Variants in FRMPD3 observed in about 807,000 individuals in gnomAD.
The protein encoded by FRMPD3 is FERM and PDZ domain containing 3, also known as FERM and PDZ domain-containing protein 3.
A neutral mutation model predicts 97.9 loss-of-function variants in FRMPD3; 42 were observed. The ratio of observed to expected loss-of-function variants is 0.43; its 90% CI spans 0.34 to 0.55. The LOEUF is 0.55. FRMPD3 is among the 20% of genes least tolerant of loss of function. The probability of loss-of-function intolerance (pLI) is 0.03; values close to 1 mark genes in which losing one functional copy is unlikely to be tolerated. For missense variants in FRMPD3, 1,303 were observed against 1,457.7 expected (o/e 0.89, Z 1.73); for synonymous variants, 577 against 581.1 (o/e 0.99, Z 0.10).
chrX:107,593,062 T>A (rs1055836282), intron 13 of FRMPD3, among the ~76,000 whole-genome samples: 1 of 111,846 alleles, frequency 8.9e-6, no homozygotes, highest in African/African-American at 3.2e-5. Context: ...AGGCATGTGC[T>A]ATCGCGCCCA....
intron 1 of FRMPD3, among the ~76,000 whole-genome samples, chrX:107,484,727 G>A (rs907315201): frequency 1.2e-4 from 14 of 112,121 alleles, no homozygotes; most frequent in African/African-American, 3.9e-4. Flanking sequence ...TCCATGGATC[G>A]CCAAAAATAG....
intron 13 of FRMPD3, among the ~76,000 whole-genome samples, chrX:107,585,510 T>A (rs7065327): frequency 0.029 from 3,201 of 111,683 alleles, 99 homozygotes; most frequent in African/African-American, 0.098. Flanking sequence ...GGCATCCTTG[T>A]CTCGTACTGG....
intron 3 of FRMPD3, among the ~76,000 whole-genome samples, chrX:107,530,916 G>GA (rs776535982): frequency 1.8e-5 from 2 of 109,982 alleles, no homozygotes; most frequent in African/African-American, 6.6e-5. Context: ...CCCAACTCCA[G>GA]AAAAAACTCA....
At chrX:107,488,826 TTTTTAA>T (rs1185776803) in intron 1 of FRMPD3, among the ~76,000 whole-genome samples, 1 of 111,527 alleles carries the variant, frequency 9.0e-6, no homozygotes, top group Non-Finnish European at 1.9e-5. Flanking sequence ...GAACTTCTTT[TTTTTAA>T]TTTTATTTTA....
intron 12 of FRMPD3, among the ~76,000 whole-genome samples, chrX:107,568,016 CTTA>C (rs2147605971): frequency 9.0e-6 from 1 of 110,845 alleles, no homozygotes; most frequent in Non-Finnish European, 1.9e-5. Context: ...ATGCACGTGT[CTTA>C]TTATACCTAG....
At position 107,560,641 on chromosome X, in the gene FRMPD3, C is replaced by G. The variant is rs767876246; in HGVS notation, c.900-86C>G. On this transcript the variant is annotated intron_variant, in intron 9 of 14. Transcript: ENST00000683843. Reference sequence around the variant, plus strand: ...TCTCTATTCCTCCATCTCTACCTCTCAGATTCAGTCAATTTCTGTCTTACC... The same window carrying G: ...TCTCTATTCCTCCATCTCTACCTCTGAGATTCAGTCAATTTCTGTCTTACC... 1.2e-4 allele frequency: 129 copies of G among 1,039,254 alleles called. No individual in the cohort carries two copies. The African/African-American group carries it at 1.9e-3, about 15-fold the overall frequency. The allele number at this position is 1,039,254 out of a possible 1,213,427, so 85.6% of individuals were successfully genotyped here.
chrX:107,457,637 G>A (rs1470362797), intron 1 of FRMPD3, among the ~76,000 whole-genome samples: 1 of 111,976 alleles, frequency 8.9e-6, no homozygotes, highest in Non-Finnish European at 1.9e-5. Flanking sequence ...GACCCTCAGT[G>A]GACCATGGCA....
At chrX:107,523,968 A>T (rs1252135955) in intron 1 of FRMPD3, among the ~76,000 whole-genome samples, 1 of 112,042 alleles carries the variant, frequency 8.9e-6, no homozygotes, top group Non-Finnish European at 1.9e-5. Context: ...CAGTATCCCA[A>T]GTGCTTCTGC....
intron 1 of FRMPD3, among the ~76,000 whole-genome samples, chrX:107,475,234 C>T (rs6652406): frequency 0.032 from 3,523 of 111,313 alleles, 137 homozygotes; most frequent in African/African-American, 0.11. Context: ...TTCATTTGGC[C>T]GATGAAAGCC....
intron 5 of FRMPD3, 77 bp downstream of exon 5, chrX:107,545,918 T>C (rs926884289): frequency 2.5e-6 from 2 of 788,959 alleles, no homozygotes; most frequent in African/African-American, 2.0e-5. Flanking sequence ...CTCTGGGGCT[T>C]CTTATAGTGG....
At chrX:107,588,447 T>C (rs1923761411) in intron 13 of FRMPD3, among the ~76,000 whole-genome samples, 1 of 110,863 alleles carries the variant, frequency 9.0e-6, no homozygotes, top group African/African-American at 3.3e-5. Context: ...AGAGATGGGG[T>C]TTCTCCATGT....
At chrX:107,535,070 C>T (rs1169735029) in intron 4 of FRMPD3, among the ~76,000 whole-genome samples, 2 of 111,836 alleles carry the variant, frequency 1.8e-5, no homozygotes, top group Non-Finnish European at 1.9e-5. Context: ...CACCAGTTCT[C>T]CCACTAAAAC....
intron 1 of FRMPD3, among the ~76,000 whole-genome samples, chrX:107,477,980 C>G (rs1413447265): frequency 9.0e-6 from 1 of 111,516 alleles, no homozygotes; most frequent in Non-Finnish European, 1.9e-5. Context: ...CAAGACCCAC[C>G]TAGATCCTCA....
At chrX:107,480,824 CAAAAA>C (rs59051211) in intron 1 of FRMPD3, among the ~76,000 whole-genome samples, 7 of 30,934 alleles carry the variant, frequency 2.3e-4, no homozygotes, top group African/African-American at 8.4e-4. Context: ...GAAACTCCGT[CAAAAA>C]AAAAAAAAAA....
At chrX:107,490,177 G>C (rs1921620451) in intron 1 of FRMPD3, among the ~76,000 whole-genome samples, 1 of 111,844 alleles carries the variant, frequency 8.9e-6, no homozygotes, top group Admixed American at 9.5e-5. Flanking sequence ...TGAGGGCTCT[G>C]TTCTGTTCCA....
Position 107,602,176 on chromosome X carries a change from G to A in FRMPD3, c.4137G>A (p.Gly1379=). The change falls in exon 15 of 15, where the codon GGG becomes GGA. Residue 1379 remains glycine (G), a synonymous_variant. Transcript: ENST00000683843. ...GVSCLTTCAS[G]GECLGAPNYR... is the part of the protein sequence containing the mutation. ...CGTGCCTGACCACGTGTGCCTCGGG[G>A]GGCGAGTGTCTGGGAGCTCCCAATT... 13 of 1,211,063 alleles carry A rather than the reference G, an allele frequency of 1.1e-5. No homozygotes were observed. Among genetic ancestry groups the A allele is most frequent in the Non-Finnish European group, 1.5e-5 (13 of 895,441 alleles).
At position 107,601,246 on chromosome X, in the gene FRMPD3, C is replaced by T; in HGVS notation, c.3207C>T (p.Ser1069=). 8.3e-7 allele frequency: 1 copy of T among 1,209,499 alleles called. No individual in the cohort carries two copies. The highest frequency in any genetic ancestry group is 1.1e-6 in the Non-Finnish European group (1 of 894,195). Reference sequence around the variant, plus strand: ...CCAAAAGCTATCTTTTGCGAACAAGCCGAGAGTCAGTGGGCAAGCAAGCTA... The same window carrying T: ...CCAAAAGCTATCTTTTGCGAACAAGTCGAGAGTCAGTGGGCAAGCAAGCTA... ...FPPKSYLLRT[S]RESVGKQATG... The change falls in exon 15 of 15, where the codon AGC becomes AGT. Residue 1069 remains serine (S), a synonymous_variant. Coordinates refer to ENST00000683843, the MANE Select transcript of FRMPD3 (RefSeq NM_001388459.1).
At chrX:107,458,028 A>G (rs1286416873) in intron 1 of FRMPD3, among the ~76,000 whole-genome samples, 1 of 112,083 alleles carries the variant, frequency 8.9e-6, no homozygotes, top group African/African-American at 3.2e-5. Flanking sequence ...TCTGAAAGCT[A>G]GGATCTGACA....
Position 107,602,771 on chromosome X carries a change from A to C in FRMPD3, c.4732A>C (p.Asn1578His), listed in dbSNP as rs1285454750. Residue 1578 changes from asparagine to histidine, a missense_variant, in exon 15 of 15, where the codon AAT (asparagine) becomes CAT (histidine). Physicochemically the swap from Asn to His is moderately conservative, Grantham distance 68 (BLOSUM62 1). This residue lies in a region of FRMPD3 where 764 missense variants were observed against 820.2 expected (regional missense o/e 0.93). Coordinates refer to ENST00000683843, the MANE Select transcript of FRMPD3 (RefSeq NM_001388459.1). The part of the protein sequence containing the change: ...STFEGSLAKI[N>H]ALRAHAYGLP... Reference sequence around the variant, plus strand: ...CTTCGAGGGGAGCCTGGCCAAGATCAATGCCCTGCGGGCCCATGCCTATGG... The same window carrying C: ...CTTCGAGGGGAGCCTGGCCAAGATCCATGCCCTGCGGGCCCATGCCTATGG... 1 of 1,208,931 alleles carries C rather than the reference A, an allele frequency of 8.3e-7. No homozygotes were observed. The highest frequency in any genetic ancestry group is 1.1e-6 in the Non-Finnish European group (1 of 894,905).
Sources: gnomAD v4.1 joint callset for allele counts (sites outside exome capture counted in the v4.1 genomes callset) on GRCh38, gnomAD v4.1.1 for gene constraint, gnomAD v4.1.1 regional missense constraint, MANE v1.5 for transcripts, NCBI Gene and HGNC (gene_info 2026-07-23, HGNC 2026-07-21) for gene names.